IQCH: variants seen among roughly 807,000 people sequenced by gnomAD.
IQCH encodes IQ motif containing H.
IQCH carries 98 observed loss-of-function variants against 117.0 expected under a neutral mutation model. That is an observed-to-expected ratio of 0.84 (90% CI 0.71 to 0.99). IQCH has a LOEUF of 0.99. IQCH is among the 50% of genes least tolerant of loss of function. The pLI is 0.00. For missense variants in IQCH, 1,102 were observed against 1,243.8 expected (o/e 0.89, Z 1.72); for synonymous variants, 412 against 448.2 (o/e 0.92, Z 1.02).
intron 18 of IQCH, among the ~76,000 whole-genome samples, chr15:67,477,773 A>T (rs2083241074): frequency 6.6e-6 from 1 of 152,200 alleles, no homozygotes; most frequent in African/African-American, 2.4e-5. Flanking sequence ...GTAAAAAGGC[A>T]TATTTGGCAG....
At chr15:67,260,677 G>C (rs1260764857) in intron 1 of IQCH, among the ~76,000 whole-genome samples, 1 of 152,182 alleles carries the variant, frequency 6.6e-6, no homozygotes. Flanking sequence ...ACTTAAGAAA[G>C]TAGAAACTAT....
chr15:67,489,095 G>A (rs1265476263), intron 18 of IQCH, among the ~76,000 whole-genome samples: 1 of 150,944 alleles, frequency 6.6e-6, no homozygotes, highest in African/African-American at 2.4e-5. Flanking sequence ...ATGCAGTGGC[G>A]TGATCTCGGC....
Position 67,387,593 on chromosome 15 carries a change from G to T in IQCH, c.1457-1238G>T, listed in dbSNP as rs1040060868. Reference sequence around the variant, plus strand: ...CACTGATCAAAAGGAATGTAGGTGTGGGGGCAGCTGGGGAATCACTGTTGG... The same window carrying T: ...CACTGATCAAAAGGAATGTAGGTGTTGGGGCAGCTGGGGAATCACTGTTGG... On this transcript the variant is annotated intron_variant, in intron 11 of 20. Transcript: ENST00000335894. The surrounding 1 kb of genome is among the most constrained non-coding windows in gnomAD (Gnocchi z 4.8). 6.6e-6 allele frequency among the ~76,000 whole-genome samples: 1 copy of T among 152,048 alleles called. No individual in the cohort carries two copies. Among genetic ancestry groups the T allele is most frequent in the East Asian group, 1.9e-4 (1 of 5,194 alleles).
chr15:67,496,095 T>C lies in IQCH; in HGVS notation c.2970+1729T>C, dbSNP rs536253840. Among the ~76,000 whole-genome samples, 88 of 152,274 alleles carry C rather than the reference T, an allele frequency of 5.8e-4. No homozygotes were observed. Among genetic ancestry groups the C allele is most frequent in the African/African-American group, 2.0e-3 (85 of 41,568 alleles). On this transcript the variant is annotated intron_variant, in intron 20 of 20. Coordinates refer to ENST00000335894, the MANE Select transcript of IQCH (RefSeq NM_001031715.3). The surrounding 1 kb of genome is among the most constrained non-coding windows in gnomAD (Gnocchi z 4.4). Reference sequence around the variant, plus strand: ...ACTTTGAAAAGCTGAGGTGGGCAGATTGCTTGATCCCAGGAGTTCAAGACC... The same window carrying C: ...ACTTTGAAAAGCTGAGGTGGGCAGACTGCTTGATCCCAGGAGTTCAAGACC...
intron 16 of IQCH, among the ~76,000 whole-genome samples, chr15:67,460,281 G>A (rs1390724090): frequency 6.6e-6 from 1 of 152,158 alleles, no homozygotes; most frequent in Non-Finnish European, 1.5e-5. Context: ...TCTATATACA[G>A]TTGCAGTTAT....
At chr15:67,344,308 A>G (rs549983889) in intron 6 of IQCH, 117 bp downstream of exon 6, 7 of 796,934 alleles carry the variant, frequency 8.8e-6, no homozygotes, top group African/African-American at 6.9e-5. Context: ...TGAAAGTTGT[A>G]ATCATCCTGA....
In IQCH at chr15:67,390,058, C is replaced by A. The variant is rs1005982319; in HGVS notation, c.1632+1052C>A. ...GATGCCTCAGTATTCCCCTAAAAACCCTCTGCTCAGTTTTGTTTCATTGGC... is the reference window on the plus strand; with the variant it reads ...GATGCCTCAGTATTCCCCTAAAAACACTCTGCTCAGTTTTGTTTCATTGGC... On this transcript the variant is annotated intron_variant, in intron 12 of 20. Transcript: ENST00000335894. The surrounding 1 kb of genome is among the most constrained non-coding windows in gnomAD (Gnocchi z 5.0). 1.3e-5 allele frequency among the ~76,000 whole-genome samples: 2 copies of A among 152,008 alleles called. No homozygotes were observed. Among genetic ancestry groups the A allele is most frequent in the African/African-American group, 4.8e-5 (2 of 41,384 alleles).
chr15:67,484,836 CCCTCTTT>C (rs1455798059), intron 18 of IQCH, among the ~76,000 whole-genome samples: 1 of 152,020 alleles, frequency 6.6e-6, no homozygotes, highest in East Asian at 1.9e-4. Flanking sequence ...AAAAATTTAA[CCCTCTTT>C]GAAGGAAGAT....
intron 18 of IQCH, among the ~76,000 whole-genome samples, chr15:67,478,737 AAC>A (rs1393207146): frequency 1.3e-5 from 2 of 152,062 alleles, no homozygotes; most frequent in Admixed American, 6.6e-5. Context: ...CATCCTGGCC[AAC>A]ATGGTGAAAC....
chr15:67,271,123 C>T (rs191237282), intron 3 of IQCH, among the ~76,000 whole-genome samples: 23 of 152,260 alleles, frequency 1.5e-4, no homozygotes, highest in Admixed American at 9.8e-4. Context: ...CACACACCAC[C>T]GTGCCCGGCT....
Position 67,359,830 on chromosome 15 carries a change from C to T in IQCH, c.715-17C>T, listed in dbSNP as rs1168811643. The T allele has an allele frequency of 1.5e-6, 2 of 1,333,834 alleles. No homozygotes were observed. The highest frequency in any genetic ancestry group is 2.1e-6 in the Non-Finnish European group (2 of 946,828). The allele number at this position is 1,333,834 out of a possible 1,614,324, so 82.6% of individuals were successfully genotyped here. On this transcript the variant is annotated splice_polypyrimidine_tract_variant and intron_variant, in intron 7 of 20. Coordinates refer to ENST00000335894, the MANE Select transcript of IQCH (RefSeq NM_001031715.3). The surrounding 1 kb of genome is among the most constrained non-coding windows in gnomAD (Gnocchi z 4.5). ...AGAGTCGTTTTGATTTAAACTGTGT[C>T]TCATTCTTCATTGTAGGGGAAAAGC...
At chr15:67,316,799 T>G (rs1967868862) in intron 4 of IQCH, among the ~76,000 whole-genome samples, 1 of 152,172 alleles carries the variant, frequency 6.6e-6, no homozygotes, top group South Asian at 2.1e-4. Context: ...ACTCAACCAG[T>G]CGGACTTTCA....
chr15:67,487,245 A>G (rs1463250799), intron 18 of IQCH, among the ~76,000 whole-genome samples: 1 of 152,184 alleles, frequency 6.6e-6, no homozygotes, highest in Non-Finnish European at 1.5e-5. Flanking sequence ...AGAAAGGAGA[A>G]TTGCTTGAAC....
rs560412458 is a variant in IQCH at position 67,366,897 on chromosome 15, C to T, written c.754-5214C>T. ...AGTTTTCTATCTGAAAAATAGAATA[C>T]GAAAAAAATCCCCCAGGTTTTTTTC... On this transcript the variant is annotated intron_variant, in intron 8 of 20. Transcript: ENST00000335894. The surrounding 1 kb of genome is among the most constrained non-coding windows in gnomAD (Gnocchi z 4.4). Among the ~76,000 whole-genome samples the T allele has an allele frequency of 4.6e-5, 7 of 151,948 alleles. No individual in the cohort carries two copies. The highest frequency in any genetic ancestry group is 7.4e-5 in the Non-Finnish European group (5 of 67,938).
At chr15:67,400,396 C>A in intron 14 of IQCH, 91 bp downstream of exon 14, 6 of 882,970 alleles carry the variant, frequency 6.8e-6, no homozygotes, top group Non-Finnish European at 1.1e-5. Context: ...AAGTACTTTC[C>A]TCTCTACTTA....
chr15:67,363,315 C>T (rs972398369), intron 8 of IQCH, among the ~76,000 whole-genome samples: 4 of 150,324 alleles, frequency 2.7e-5, no homozygotes, highest in African/African-American at 9.8e-5. Flanking sequence ...GGCTCACTGC[C>T]ACCTCTGCCT....
chr15:67,267,226 C>G (rs1376804748), intron 3 of IQCH, among the ~76,000 whole-genome samples: 3 of 152,138 alleles, frequency 2.0e-5, no homozygotes, highest in Non-Finnish European at 4.4e-5. Context: ...ATACTTTCCT[C>G]ACATGACCAA....
chr15:67,469,008 A>G (rs2083003520), intron 17 of IQCH, among the ~76,000 whole-genome samples: 1 of 152,258 alleles, frequency 6.6e-6, no homozygotes, highest in Non-Finnish European at 1.5e-5. Flanking sequence ...AAGCAAAATT[A>G]TATTATCCAG....
At chr15:67,345,835 G>C (rs1415885202) in intron 6 of IQCH, among the ~76,000 whole-genome samples, 2 of 152,124 alleles carry the variant, frequency 1.3e-5, no homozygotes, top group East Asian at 1.9e-4. Context: ...TAATAATAAT[G>C]TATCAATGAT....
Sources: gnomAD v4.1 joint callset for allele counts (sites outside exome capture counted in the v4.1 genomes callset) on GRCh38, gnomAD v4.1.1 for gene constraint, Gnocchi (gnomAD v3.1) non-coding constraint, MANE v1.5 for transcripts, NCBI Gene and HGNC (gene_info 2026-07-23, HGNC 2026-07-21) for gene names.